Variants in RBFOX3 observed in about 807,000 individuals in gnomAD.
The protein encoded by RBFOX3 is RNA binding protein fox-1 homolog 3.
RBFOX3 carries 17 observed loss-of-function variants against 48.7 expected under a neutral mutation model. The observed-to-expected ratio is 0.35, with a 90% CI of 0.24 to 0.52. The LOEUF is 0.52. RBFOX3 is among the 20% of genes least tolerant of loss of function. RBFOX3 has a pLI of 0.94. For missense variants in RBFOX3, 382 were observed against 497.5 expected (o/e 0.77, Z 2.21); for synonymous variants, 212 against 209.5 (o/e 1.01, Z -0.10).
chr17:79,279,641 C>T (rs78274099), intron 3 of RBFOX3, among the ~76,000 whole-genome samples: 3,717 of 152,334 alleles, frequency 0.024, 82 homozygotes, highest in East Asian at 0.068. Flanking sequence ...GCTCAGTAAA[C>T]GCAAACTCAC....
At position 79,201,809 on chromosome 17, in the gene RBFOX3, C is replaced by T. The variant is rs186718264; in HGVS notation, c.-34+33957G>A. Among the ~76,000 whole-genome samples the T allele has an allele frequency of 6.6e-5, 10 of 152,316 alleles. No individual in the cohort carries two copies. In the East Asian group the frequency reaches 1.9e-3, roughly 29 times the overall value. ...ACGTGCTTTCTCTCCTCCACACTTC[C>T]CTGACTCCGCTGGAGGCTGGGGGAG... On this transcript the variant is annotated intron_variant, in intron 4 of 14. Coordinates refer to ENST00000693108, the MANE Select transcript of RBFOX3 (RefSeq NM_001350451.2).
At chr17:79,184,044 C>G (rs1193323943) in intron 4 of RBFOX3, among the ~76,000 whole-genome samples, 1 of 152,258 alleles carries the variant, frequency 6.6e-6, no homozygotes, top group East Asian at 1.9e-4. Context: ...GAAGGCGCCT[C>G]GTCCTGTTTC....
At chr17:79,660,827 C>A in the RBFOX3 span, among the ~76,000 whole-genome samples, 2 of 152,162 alleles carry the variant, frequency 1.3e-5, no homozygotes, top group African/African-American at 4.8e-5. Context: ...GATACATGCA[C>A]GTGTATGCCC....
chr17:79,237,537 C>T (rs554863418), intron 3 of RBFOX3, among the ~76,000 whole-genome samples: 3 of 152,206 alleles, frequency 2.0e-5, no homozygotes, highest in Non-Finnish European at 2.9e-5. Flanking sequence ...AGAAGTACCC[C>T]GCCCTGTGGG....
At chr17:79,486,991 A>C (rs2079699428) in intron 1 of RBFOX3, among the ~76,000 whole-genome samples, 1 of 152,226 alleles carries the variant, frequency 6.6e-6, no homozygotes, top group Non-Finnish European at 1.5e-5. Context: ...AGATAGAAAA[A>C]CAAACATCTG....
the RBFOX3 span, among the ~76,000 whole-genome samples, chr17:79,646,280 A>G: frequency 6.6e-5 from 10 of 152,214 alleles, no homozygotes; most frequent in Non-Finnish European, 1.2e-4. Flanking sequence ...TCAGAAACAG[A>G]TGGTACAATG....
At chr17:79,104,184 G>T (rs946024740) in intron 6 of RBFOX3, 58 bp from the exon 7 acceptor site, 3 of 1,373,410 alleles carry the variant, frequency 2.2e-6, no homozygotes, top group Non-Finnish European at 3.0e-6. Flanking sequence ...GGTTAAGACT[G>T]CTGGCCCAGC....
chr17:79,216,276 G>A (rs541592905), intron 4 of RBFOX3, among the ~76,000 whole-genome samples: 2 of 152,340 alleles, frequency 1.3e-5, no homozygotes, highest in South Asian at 2.1e-4. Flanking sequence ...GAGAGCCACT[G>A]TGGTCTCTGC....
intron 2 of RBFOX3, among the ~76,000 whole-genome samples, chr17:79,375,741 C>T (rs2059148701): frequency 6.6e-6 from 1 of 152,184 alleles, no homozygotes; most frequent in Non-Finnish European, 1.5e-5. Flanking sequence ...AGCATGAAAC[C>T]CCTCCTTTGA....
chr17:79,443,661 G>C lies in RBFOX3; in HGVS notation c.-175+38793C>G, dbSNP rs968053715. On this transcript the variant is annotated intron_variant, in intron 2 of 14. Transcript: ENST00000693108. This position sits in a 1 kb window ranked among gnomAD's most constrained non-coding sequence, Gnocchi z 4.4. ...GCCTCCCAAAGTGCTGGGATTACAG[G>C]CATGAGCCACCGCACCCTCTTGTTC... Among the ~76,000 whole-genome samples the C allele has an allele frequency of 3.3e-5, 5 of 152,202 alleles. No homozygotes were observed. The highest frequency in any genetic ancestry group is 9.7e-5 in the African/African-American group (4 of 41,444).
At position 79,198,788 on chromosome 17, in the gene RBFOX3, G is replaced by C. The variant is rs1243242981; in HGVS notation, c.-34+36978C>G. The stretch of plus-strand genomic sequence containing the variant: ...TTATAGGCATGTGCCACCACACCCA[G>C]CTAATTTTTTTTGTACTTTTGGTAG... On this transcript the variant is annotated intron_variant, in intron 4 of 14. Coordinates refer to ENST00000693108, the MANE Select transcript of RBFOX3 (RefSeq NM_001350451.2). This position sits in a 1 kb window ranked among gnomAD's most constrained non-coding sequence, Gnocchi z 8.2. Among the ~76,000 whole-genome samples the C allele has an allele frequency of 1.3e-5, 2 of 151,888 alleles. No homozygotes were observed. Among genetic ancestry groups the C allele is most frequent in the Non-Finnish European group, 2.9e-5 (2 of 68,030 alleles).
chr17:79,383,563 C>T (rs560584348), intron 2 of RBFOX3, among the ~76,000 whole-genome samples: 1 of 152,320 alleles, frequency 6.6e-6, no homozygotes, highest in South Asian at 2.1e-4. Context: ...GGAGTACCCC[C>T]CCGATGGCTG....
In RBFOX3 at chr17:79,214,564, G is replaced by T. The variant is rs757752347; in HGVS notation, c.-34+21202C>A. On this transcript the variant is annotated intron_variant, in intron 4 of 14. Coordinates refer to ENST00000693108, the MANE Select transcript of RBFOX3 (RefSeq NM_001350451.2). This position sits in a 1 kb window ranked among gnomAD's most constrained non-coding sequence, Gnocchi z 4.7. ...CAGGCCAAGTGGGAGGGATGTCTGGGGGGGGTCTCGGAGGAAGCAGGAAGG... is the reference window on the plus strand; with the variant it reads ...CAGGCCAAGTGGGAGGGATGTCTGGTGGGGGTCTCGGAGGAAGCAGGAAGG... Among the ~76,000 whole-genome samples, 1 of 151,978 alleles carries T rather than the reference G, an allele frequency of 6.6e-6. No homozygotes were observed. The highest frequency in any genetic ancestry group is 2.4e-5 in the African/African-American group (1 of 41,370).
intron 4 of RBFOX3, among the ~76,000 whole-genome samples, chr17:79,185,264 C>T (rs2053164934): frequency 6.6e-6 from 1 of 152,152 alleles, no homozygotes; most frequent in Non-Finnish European, 1.5e-5. Context: ...TGGCACAGGA[C>T]AAGGATAGGG....
chr17:79,257,259 G>A (rs1029184972), intron 3 of RBFOX3, among the ~76,000 whole-genome samples: 7 of 152,202 alleles, frequency 4.6e-5, no homozygotes, highest in East Asian at 3.9e-4. Flanking sequence ...CCCGAGCCCC[G>A]GGAGGTTTGT....
chr17:79,622,309 T>C, the RBFOX3 span, among the ~76,000 whole-genome samples: 1 of 152,110 alleles, frequency 6.6e-6, no homozygotes, highest in Non-Finnish European at 1.5e-5. Context: ...TCCAACCTGC[T>C]CTTGGAGAAG....
chr17:79,397,836 C>T lies in RBFOX3; in HGVS notation c.-175+84618G>A, dbSNP rs376625866. On this transcript the variant is annotated intron_variant, in intron 2 of 14. Coordinates refer to ENST00000693108, the MANE Select transcript of RBFOX3 (RefSeq NM_001350451.2). ...GCGGTGGGCAGGGGAGGTGTCTCAG[C>T]CTTGACAGTTCGATGCCAGCACCGA... Among the ~76,000 whole-genome samples, 12 of 152,280 alleles carry T rather than the reference C, an allele frequency of 7.9e-5. No homozygotes were observed. In the East Asian group the frequency reaches 2.1e-3, roughly 27 times the overall value.
chr17:79,608,298 C>T (rs1443025914), intron 1 of RBFOX3, among the ~76,000 whole-genome samples: 1 of 152,252 alleles, frequency 6.6e-6, no homozygotes, highest in African/African-American at 2.4e-5. Flanking sequence ...GGGTGCGGAG[C>T]ATTTGCCGCA....
the RBFOX3 span, among the ~76,000 whole-genome samples, chr17:79,638,515 G>T: frequency 6.6e-6 from 1 of 152,078 alleles, no homozygotes; most frequent in Non-Finnish European, 1.5e-5. Context: ...TTAGAAACAT[G>T]CCACCTACCA....
Sources: allele counts gnomAD v4.1 joint callset (sites outside exome capture counted in the v4.1 genomes callset), GRCh38; gene constraint gnomAD v4.1.1; non-coding constraint Gnocchi (gnomAD v3.1); transcripts MANE v1.5; gene names NCBI Gene and HGNC (gene_info 2026-07-23, HGNC 2026-07-21).